CCNY: variants seen among roughly 807,000 people sequenced by gnomAD.
The protein encoded by CCNY is cyclin-Y.
A neutral mutation model predicts 42.8 loss-of-function variants in CCNY; 19 were observed. The observed-to-expected ratio is 0.44, with a 90% CI of 0.31 to 0.65. CCNY has a LOEUF of 0.65. Ranked by LOEUF, CCNY falls within the 30% of genes least tolerant of loss-of-function variation. The pLI, the probability that CCNY is intolerant of heterozygous loss-of-function variation, is 0.07. For synonymous variants in CCNY, 165 were observed against 162.7 expected, an observed-to-expected ratio of 1.01 and a Z score of -0.11; for missense variants, 370 against 437.3, an observed-to-expected ratio of 0.85 and a Z score of 1.37.
At chr10:35,517,085 A>G (rs1840445765) in intron 4 of CCNY, among the ~76,000 whole-genome samples, 1 of 152,158 alleles carries the variant, frequency 6.6e-6, no homozygotes, top group Non-Finnish European at 1.5e-5. Context: ...TAGTGAAGGT[A>G]CACTTGCCTG....
intron 1 of CCNY, among the ~76,000 whole-genome samples, chr10:35,376,445 G>A (rs771288218): frequency 5.3e-5 from 8 of 152,192 alleles, no homozygotes; most frequent in Non-Finnish European, 7.3e-5. Context: ...ACAAAATGTG[G>A]TATATCCATA....
At chr10:35,544,023 GT>G (rs1207250825) in intron 7 of CCNY, among the ~76,000 whole-genome samples, 10 of 152,292 alleles carry the variant, frequency 6.6e-5, no homozygotes, top group Admixed American at 2.6e-4. Flanking sequence ...TTTTACCTAA[GT>G]GTTATTACAA....
chr10:35,518,338 G>T (rs1203444933), intron 4 of CCNY, among the ~76,000 whole-genome samples: 1 of 152,226 alleles, frequency 6.6e-6, no homozygotes, highest in Non-Finnish European at 1.5e-5. Context: ...TGATGATTGA[G>T]GTCTCCTTAC....
chr10:35,294,773 C>T (rs1835451025), intron 3 of CCNY, among the ~76,000 whole-genome samples: 1 of 152,144 alleles, frequency 6.6e-6, no homozygotes, highest in African/African-American at 2.4e-5. Context: ...ATTTGGGAAG[C>T]ATTTTATACC....
At chr10:35,348,557 A>G (rs1836358163) in intron 1 of CCNY, among the ~76,000 whole-genome samples, 1 of 152,186 alleles carries the variant, frequency 6.6e-6, no homozygotes, top group Non-Finnish European at 1.5e-5. Flanking sequence ...CAGTCTCTGG[A>G]TGTTGGAAGT....
chr10:35,505,167 C>T (rs1283393097), intron 3 of CCNY, among the ~76,000 whole-genome samples: 1 of 150,976 alleles, frequency 6.6e-6, no homozygotes, highest in African/African-American at 2.4e-5. Flanking sequence ...AAAAATCACT[C>T]CTGAAACTCA....
intron 1 of CCNY, among the ~76,000 whole-genome samples, chr10:35,396,206 C>T (rs1235430675): frequency 1.3e-5 from 2 of 152,138 alleles, no homozygotes; most frequent in African/African-American, 2.4e-5. Flanking sequence ...GTGGTAGGAT[C>T]GGGGGATCAC....
chr10:35,568,969 T>TGCA, intron 9 of CCNY, 85 bp from the exon 10 acceptor site: 1 of 857,060 alleles, frequency 1.2e-6, no homozygotes, highest in Non-Finnish European at 2.0e-6. Context: ...CTGTCCCTCA[T>TGCA]GCAGCGCCCT....
chr10:35,484,594 T>G (rs1839744359), intron 2 of CCNY, among the ~76,000 whole-genome samples: 1 of 152,010 alleles, frequency 6.6e-6, no homozygotes, highest in Non-Finnish European at 1.5e-5. Context: ...AAAGAAACAT[T>G]TTTTTCCTCT....
intron 1 of CCNY, among the ~76,000 whole-genome samples, chr10:35,373,636 G>A (rs1306400481): frequency 6.6e-6 from 1 of 152,150 alleles, no homozygotes; most frequent in South Asian, 2.1e-4. Context: ...GGATGCCTAG[G>A]ATGAAGACCT....
chr10:35,460,314 C>T (rs1839129854), intron 1 of CCNY, among the ~76,000 whole-genome samples: 1 of 152,208 alleles, frequency 6.6e-6, no homozygotes, highest in South Asian at 2.1e-4. Flanking sequence ...TGGTGATGCC[C>T]CCTGGCCCTC....
intron 1 of CCNY, among the ~76,000 whole-genome samples, chr10:35,402,033 T>C (rs1217529252): frequency 6.6e-6 from 1 of 152,194 alleles, no homozygotes; most frequent in African/African-American, 2.4e-5. Context: ...TGTCTTCTTA[T>C]ATTAATAAGA....
At chr10:35,339,589 A>G (rs1836129528) in intron 1 of CCNY, among the ~76,000 whole-genome samples, 1 of 152,184 alleles carries the variant, frequency 6.6e-6, no homozygotes, top group Admixed American at 6.5e-5. Flanking sequence ...GTACTCAAAT[A>G]CCATATTTTT....
intron 3 of CCNY, among the ~76,000 whole-genome samples, chr10:35,256,686 G>A (rs1418793142): frequency 5.3e-5 from 8 of 151,296 alleles, no homozygotes; most frequent in Non-Finnish European, 8.8e-5. Context: ...AGCTGAGATC[G>A]TGCCACTGAA....
upstream of CCNY, chr10:35,336,469 CGGCGAGGGCGGGCGCCGCT>C (rs1170638659): frequency 2.6e-5 from 4 of 151,106 alleles, no homozygotes; most frequent in Admixed American, 6.6e-5. Context: ...GCGGGGGCTG[CGGCGAGGGCGGGCGCCGCT>C]GGCGAGGGAG....
chr10:35,527,979 C>G (rs1297060887), intron 5 of CCNY, among the ~76,000 whole-genome samples: 1 of 152,150 alleles, frequency 6.6e-6, no homozygotes, highest in Non-Finnish European at 1.5e-5. Context: ...CGTCTTAGCT[C>G]GAGCTCTTAA....
chr10:35,487,297 T>C (rs1007832021), intron 2 of CCNY, among the ~76,000 whole-genome samples: 1 of 152,148 alleles, frequency 6.6e-6, no homozygotes, highest in African/African-American at 2.4e-5. Context: ...CTTTCCTTCA[T>C]TCAGGTTAAT....
At chr10:35,270,819 G>A (rs543558329) in intron 3 of CCNY, among the ~76,000 whole-genome samples, 4 of 146,352 alleles carry the variant, frequency 2.7e-5, no homozygotes, top group South Asian at 4.3e-4. Flanking sequence ...TCTGCCTCCC[G>A]GGTTCATGCC....
At chr10:35,434,772 A>G (rs1410259419) in intron 1 of CCNY, among the ~76,000 whole-genome samples, 2 of 152,090 alleles carry the variant, frequency 1.3e-5, no homozygotes, top group Non-Finnish European at 2.9e-5. Context: ...GTATTTTTTG[A>G]CCCATGTCTA....
Sources: allele counts gnomAD v4.1 joint callset (sites outside exome capture counted in the v4.1 genomes callset), GRCh38; gene constraint gnomAD v4.1.1; transcripts MANE v1.5; gene names NCBI Gene and HGNC (gene_info 2026-07-23, HGNC 2026-07-21).